MYH11: variants seen among roughly 807,000 people sequenced by gnomAD.
MYH11 encodes myosin-11.
In MYH11, 80 loss-of-function variants were observed where a neutral mutation model predicts 246.6. That is an observed-to-expected ratio of 0.32 (90% CI 0.27 to 0.39). MYH11 has a LOEUF of 0.39. Among genes scored for constraint, MYH11 ranks in the 10% least tolerant of loss-of-function variants. MYH11 has a pLI of 1.00. For missense variants in MYH11, 2,158 were observed against 2,546.8 expected (o/e 0.85, Z 3.29); for synonymous variants, 1,071 against 1,015.5 (o/e 1.05, Z -1.04).
chr16:15,817,333 A>C (rs1327138956), intron 3 of MYH11, among the ~76,000 whole-genome samples: 1 of 152,072 alleles, frequency 6.6e-6, no homozygotes, highest in Non-Finnish European at 1.5e-5. Flanking sequence ...CTCTACTAAA[A>C]ATACAAAAAT....
intron 2 of MYH11, among the ~76,000 whole-genome samples, chr16:15,823,785 C>T (rs995047485): frequency 2.0e-5 from 3 of 152,140 alleles, no homozygotes; most frequent in Non-Finnish European, 4.4e-5. Flanking sequence ...GCCACCAGGC[C>T]TGGCTGATGT....
At chr16:15,777,052 G>A (rs2151297077) in intron 7 of MYH11, among the ~76,000 whole-genome samples, 1 of 152,080 alleles carries the variant, frequency 6.6e-6, no homozygotes, top group Non-Finnish European at 1.5e-5. Context: ...AATCTGGAAA[G>A]CAGTGATTCT....
intron 40 of MYH11, among the ~76,000 whole-genome samples, chr16:15,710,806 T>C (rs2039744217): frequency 6.6e-6 from 1 of 151,936 alleles, no homozygotes. Flanking sequence ...GCCTCACGAG[T>C]AGCTGGGATT....
At chr16:15,731,637 A>G (rs554529833) in intron 27 of MYH11, among the ~76,000 whole-genome samples, 12 of 151,942 alleles carry the variant, frequency 7.9e-5, no homozygotes, top group South Asian at 6.2e-4. Context: ...GATTACAGGC[A>G]CATGCCACCA....
chr16:15,765,606 T>G (rs957429743), intron 9 of MYH11, among the ~76,000 whole-genome samples: 2 of 152,150 alleles, frequency 1.3e-5, no homozygotes, highest in African/African-American at 4.8e-5. Flanking sequence ...AGCCTAGAGA[T>G]CCCAGACTTC....
rs559061782 is a variant in MYH11, at chr16:15,776,763, G to A, written c.791-587C>T. ...GGGGTCTGACGGGATGGAGGCGAGA[G>A]AGACCGTAAACACGCCACACTAATT... On this transcript the variant is annotated intron_variant, in intron 7 of 40. Coordinates refer to ENST00000300036, the MANE Select transcript of MYH11 (RefSeq NM_002474.3). Among the ~76,000 whole-genome samples the A allele has an allele frequency of 3.5e-4, 53 of 152,324 alleles. 2 individuals carry two copies. The South Asian group carries it at 9.7e-3, about 28-fold the overall frequency.
chr16:15,786,387 G>A, intron 5 of MYH11: 1 of 696,398 alleles, frequency 1.4e-6, no homozygotes, highest in Non-Finnish European at 2.6e-6. Context: ...TGGAAGGAAA[G>A]GGCTTATTCT....
chr16:15,853,820 C>T (rs986420686), intron 1 of MYH11, among the ~76,000 whole-genome samples: 2 of 152,076 alleles, frequency 1.3e-5, no homozygotes, highest in Non-Finnish European at 2.9e-5. Context: ...GTCAGCGGTT[C>T]GAGACCAGCC....
At chr16:15,839,802 C>A (rs1356726071) in intron 1 of MYH11, among the ~76,000 whole-genome samples, 2 of 151,592 alleles carry the variant, frequency 1.3e-5, no homozygotes, top group African/African-American at 4.9e-5. Flanking sequence ...GTAATCCCAG[C>A]ACTTTGGGAG....
intron 1 of MYH11, among the ~76,000 whole-genome samples, chr16:15,854,227 G>A (rs936049544): frequency 4.6e-5 from 7 of 152,104 alleles, no homozygotes; most frequent in Admixed American, 4.6e-4. Context: ...TAGGCTTCCC[G>A]GTTCTGCCAA....
At chr16:15,722,975 C>T (rs1447804161) in intron 31 of MYH11, among the ~76,000 whole-genome samples, 1 of 152,098 alleles carries the variant, frequency 6.6e-6, no homozygotes, top group African/African-American at 2.4e-5. Flanking sequence ...AACCCCTGAC[C>T]TCAAGTGATC....
chr16:15,849,472 G>A (rs1416243406), intron 1 of MYH11, among the ~76,000 whole-genome samples: 1 of 152,016 alleles, frequency 6.6e-6, no homozygotes, highest in Non-Finnish European at 1.5e-5. Flanking sequence ...GACAGGGTCT[G>A]GCTCTGTTGC....
chr16:15,838,325 A>C lies in MYH11; in HGVS notation c.-17-56T>G. ...GACCACAACCAAGCCCGGAAGACAGACCAACCACTCACCTTGCCCTGTCTA... is the reference window on the plus strand; with the variant it reads ...GACCACAACCAAGCCCGGAAGACAGCCCAACCACTCACCTTGCCCTGTCTA... On this transcript the variant is annotated intron_variant, in intron 1 of 40. Transcript: ENST00000300036. 2.8e-6 allele frequency: 4 copies of C among 1,408,370 alleles called. No individual in the cohort carries two copies. In the East Asian group the frequency reaches 9.2e-5, roughly 32 times the overall value. The allele number at this position is 1,408,370 out of a possible 1,614,324, so 87.2% of individuals were successfully genotyped here.
chr16:15,747,781 C>T (rs374352231), intron 18 of MYH11, 51 bp from the exon 19 acceptor site: 427 of 1,612,496 alleles, frequency 2.6e-4, no homozygotes, highest in Non-Finnish European at 3.5e-4. Flanking sequence ...TGCCATTTGG[C>T]CAGTGATGAC....
intron 15 of MYH11, among the ~76,000 whole-genome samples, chr16:15,752,975 C>T (rs557041200): frequency 2.6e-4 from 40 of 152,224 alleles, no homozygotes; most frequent in African/African-American, 8.7e-4. Flanking sequence ...CTAGTAGAGA[C>T]GGCAACTATT....
intron 2 of MYH11, among the ~76,000 whole-genome samples, chr16:15,832,134 T>G (rs1221782478): frequency 6.6e-6 from 1 of 152,076 alleles, no homozygotes; most frequent in Non-Finnish European, 1.5e-5. Context: ...GCCAGGTCTC[T>G]AAGGCGGAAA....
At chr16:15,759,461 C>G (rs2041815533) in intron 12 of MYH11, 115 bp downstream of exon 12, 9 of 1,343,408 alleles carry the variant, frequency 6.7e-6, no homozygotes, top group African/African-American at 1.4e-5. Flanking sequence ...AACTAGACAG[C>G]CTCCTACCCT....
intron 5 of MYH11, 118 bp from the exon 6 acceptor site, chr16:15,782,595 A>G: frequency 4.0e-6 from 3 of 745,852 alleles, no homozygotes; most frequent in African/African-American, 1.7e-5. Context: ...CCTATCTCCT[A>G]CCTCCTCTTA....
At chr16:15,818,276 T>C (rs1414846089) in intron 3 of MYH11, among the ~76,000 whole-genome samples, 1 of 152,130 alleles carries the variant, frequency 6.6e-6, no homozygotes, top group African/African-American at 2.4e-5. Flanking sequence ...CAGAATGAGA[T>C]CGTGCCATTT....
Sources: gnomAD v4.1 joint callset for allele counts (sites outside exome capture counted in the v4.1 genomes callset) on GRCh38, gnomAD v4.1.1 for gene constraint, MANE v1.5 for transcripts, NCBI Gene and HGNC (gene_info 2026-07-23, HGNC 2026-07-21) for gene names.